DGKH: variants seen among roughly 807,000 people sequenced by gnomAD.
DGKH encodes diacylglycerol kinase eta, also known as DAG kinase eta.
In DGKH, 90 loss-of-function variants were observed where a neutral mutation model predicts 159.3. That is an observed-to-expected ratio of 0.57 (90% confidence interval 0.48 to 0.67). DGKH has a LOEUF of 0.67. Among genes scored for constraint, DGKH ranks in the 30% least tolerant of loss-of-function variants. The pLI, the probability that DGKH is intolerant of heterozygous loss-of-function variation, is 0.00. For synonymous variants in DGKH, 536 were observed against 553.8 expected (o/e 0.97, Z 0.45); for missense variants, 1,181 against 1,506.1 (o/e 0.78, Z 3.57).
intron 1 of DGKH, among the ~76,000 whole-genome samples, chr13:42,099,610 A>T (rs1442264809): frequency 6.6e-6 from 1 of 152,222 alleles, no homozygotes; most frequent in Non-Finnish European, 1.5e-5. Context: ...AAGCAAGGGT[A>T]AAGGCTTGAA....
At chr13:42,091,237 A>G (rs1954411232) in intron 1 of DGKH, among the ~76,000 whole-genome samples, 1 of 152,198 alleles carries the variant, frequency 6.6e-6, no homozygotes, top group Non-Finnish European at 1.5e-5. Flanking sequence ...AGCTTCATGA[A>G]GAGTTTCATT....
intron 3 of DGKH, among the ~76,000 whole-genome samples, chr13:42,142,297 AG>A (rs1447115437): frequency 6.6e-6 from 1 of 152,156 alleles, no homozygotes; most frequent in Non-Finnish European, 1.5e-5. Context: ...TGGTTACTGT[AG>A]CCTTGTAGTA....
intron 1 of DGKH, among the ~76,000 whole-genome samples, chr13:42,111,880 A>G (rs1954868363): frequency 6.6e-6 from 1 of 152,198 alleles, no homozygotes; most frequent in South Asian, 2.1e-4. Flanking sequence ...TGGACAGGGA[A>G]AAGGGCACAG....
chr13:42,133,681 G>C (rs144005021), intron 3 of DGKH, among the ~76,000 whole-genome samples: 1 of 152,270 alleles, frequency 6.6e-6, no homozygotes, highest in African/African-American at 2.4e-5. Flanking sequence ...GGACAACAAA[G>C]TGATTCCCTG....
chr13:42,127,305 A>C (rs755760630), intron 1 of DGKH, among the ~76,000 whole-genome samples, 158 bp from the exon 2 acceptor site: 1 of 152,212 alleles, frequency 6.6e-6, no homozygotes, highest in Non-Finnish European at 1.5e-5. Context: ...GGCTTTGCAC[A>C]TATGCAAAGC....
chr13:42,209,018 C>T lies in DGKH; in HGVS notation c.2661C>T (p.Ser887=), dbSNP rs1239183424. The stretch of plus-strand genomic sequence containing the variant: ...TGGAAGTTGTAGCAATATTTGATAG[C>T]ATGCAAATGGCAGTTTCAAGGGTCA... The part of the protein sequence containing the change: ...KILEVVAIFD[S]MQMAVSRVIK... Residue 887 remains serine (S), a synonymous_variant, in exon 22 of 30, where the codon AGC becomes AGT. Coordinates refer to ENST00000337343, the MANE Select transcript of DGKH (RefSeq NM_178009.5). The T allele has an allele frequency of 1.2e-6, 2 of 1,612,794 alleles. No individual in the cohort carries two copies. The highest frequency in any genetic ancestry group is 1.3e-5 in the African/African-American group (1 of 74,814).
intron 1 of DGKH, among the ~76,000 whole-genome samples, chr13:42,081,220 A>G (rs1219989521): frequency 2.0e-5 from 3 of 151,324 alleles, no homozygotes; most frequent in Admixed American, 2.0e-4. Context: ...ACTAAGAAAA[A>G]TCTTTCTCTC....
At position 42,061,505 on chromosome 13, in the gene DGKH, A is replaced by G. The variant is rs551017051; in HGVS notation, c.192+12540A>G. Among the ~76,000 whole-genome samples, 10 of 152,342 alleles carry G rather than the reference A, an allele frequency of 6.6e-5. No homozygotes were observed. The South Asian group carries it at 1.9e-3, about 28-fold the overall frequency. ...CTTAACTCCTATATCATTATGATAT[A>G]CTGTCCCTTTGCTGCATGAATCTCT... On this transcript the variant is annotated intron_variant, in intron 1 of 29. Coordinates refer to ENST00000337343, the MANE Select transcript of DGKH (RefSeq NM_178009.5).
In DGKH at chr13:42,098,205, G is replaced by T. The variant is rs144118371; in HGVS notation, c.193-29258G>T. Among the ~76,000 whole-genome samples, 4 of 152,262 alleles carry T rather than the reference G, an allele frequency of 2.6e-5. No homozygotes were observed. In the South Asian group the frequency reaches 6.2e-4, roughly 24 times the overall value. On this transcript the variant is annotated intron_variant, in intron 1 of 29. Coordinates refer to ENST00000337343, the MANE Select transcript of DGKH (RefSeq NM_178009.5). Reference sequence around the variant, plus strand: ...ATTAATATTATAAATTGAAAATTAGGCCAGGGCACGGTGCCTCATGCCTGT... The same window carrying T: ...ATTAATATTATAAATTGAAAATTAGTCCAGGGCACGGTGCCTCATGCCTGT...
chr13:42,096,565 G>C (rs1247955983), intron 1 of DGKH, among the ~76,000 whole-genome samples: 1 of 152,148 alleles, frequency 6.6e-6, no homozygotes, highest in Non-Finnish European at 1.5e-5. Context: ...ATTTAATTCA[G>C]ATCCCATTTA....
chr13:42,202,369 A>G (rs1388263347), intron 20 of DGKH, among the ~76,000 whole-genome samples: 11 of 152,320 alleles, frequency 7.2e-5, no homozygotes, highest in Non-Finnish European at 1.5e-4. Flanking sequence ...GGCTCTTTCC[A>G]GAGAGACGCC....
intron 28 of DGKH, among the ~76,000 whole-genome samples, chr13:42,220,866 T>G (rs1201450859): frequency 6.6e-6 from 1 of 152,198 alleles, no homozygotes; most frequent in Non-Finnish European, 1.5e-5. Context: ...TAAATTGTAA[T>G]TAGCATTTGT....
At position 42,198,558 on chromosome 13, in the gene DGKH, G is replaced by A. The variant is rs765334560; in HGVS notation, c.2248G>A (p.Gly750Ser). 6.2e-7 allele frequency: 1 copy of A among 1,613,314 alleles called. No homozygotes were observed. ...GTTACTGGCAAACATTGATCCTTTT[G>A]GTGCCACGCCGTTTATTGACCCGGA... ...KMLLANIDPF[G>S]ATPFIDPDLD... The change falls in exon 18 of 30, where the codon GGT becomes AGT. Residue 750 changes from glycine (G) to serine (S), a missense_variant. By Grantham distance (56) the Gly-to-Ser change is moderately conservative (BLOSUM62 0). This residue lies in a region of DGKH where 257 missense variants were observed against 281.5 expected (regional missense o/e 0.91). Transcript: ENST00000337343.
At chr13:42,168,945 C>T in intron 11 of DGKH, 127 bp downstream of exon 11, 1 of 1,064,728 alleles carries the variant, frequency 9.4e-7, no homozygotes, top group African/African-American at 1.6e-5. Context: ...GCAGAGCCTT[C>T]CTGATCTTGT....
In DGKH at chr13:42,129,652, A is replaced by T. The variant is rs779257108; in HGVS notation, c.384+20A>T. 6.2e-7 allele frequency: 1 copy of T among 1,602,486 alleles called. No homozygotes were observed. The highest frequency in any genetic ancestry group is 1.1e-5 in the South Asian group (1 of 89,490). ...TTCACGGTATGGTTATATTCTGCTA[A>T]CTCCCTTCTCAAAAGTTATAGAATG... On this transcript the variant is annotated intron_variant, in intron 3 of 29. Transcript: ENST00000337343.
Position 42,049,603 on chromosome 13 carries a change from C to T in DGKH, c.192+638C>T. Among the ~76,000 whole-genome samples, 2 of 152,228 alleles carry T rather than the reference C, an allele frequency of 1.3e-5. 1 individual carries two copies. The highest frequency in any genetic ancestry group is 6.3e-3 in the Middle Eastern group (2 of 316). On this transcript the variant is annotated intron_variant, in intron 1 of 29. Transcript: ENST00000337343. ...GTGGGACATGGTGTTCGCGGCTTAA[C>T]CGCACCCTGCATGGCTCCAAGGGCT...
At chr13:42,180,455 C>T (rs1192559306) in intron 13 of DGKH, among the ~76,000 whole-genome samples, 1 of 152,226 alleles carries the variant, frequency 6.6e-6, no homozygotes, top group Non-Finnish European at 1.5e-5. Flanking sequence ...ATTTCTCCCT[C>T]ATGGAACTGC....
At chr13:42,250,174 T>G (rs1958611628) in intron 29 of DGKH, among the ~76,000 whole-genome samples, 1 of 151,928 alleles carries the variant, frequency 6.6e-6, no homozygotes, top group Admixed American at 6.6e-5. Context: ...CTTCACCATG[T>G]TAGCCAGGAT....
chr13:42,158,562 T>C (rs904531640), intron 5 of DGKH, among the ~76,000 whole-genome samples: 1 of 152,228 alleles, frequency 6.6e-6, no homozygotes, highest in African/African-American at 2.4e-5. Flanking sequence ...ATTTCTCTTT[T>C]ATAAGTTCCT....
Sources: allele counts gnomAD v4.1 joint callset (sites outside exome capture counted in the v4.1 genomes callset), GRCh38; gene constraint gnomAD v4.1.1; regional missense constraint gnomAD v4.1.1; transcripts MANE v1.5; gene names NCBI Gene and HGNC (gene_info 2026-07-23, HGNC 2026-07-21).